The following EPB41L2 variants were observed in gnomAD, a reference collection of about 807,000 sequenced individuals.
The protein encoded by EPB41L2 is band 4.1-like protein 2.
Under a neutral mutation model 113.0 loss-of-function variants are expected in EPB41L2, and 43 were observed. The observed-to-expected ratio is 0.38, with a 90% CI of 0.30 to 0.49. EPB41L2 has a LOEUF of 0.49. EPB41L2 is among the 20% of genes least tolerant of loss of function. The probability of loss-of-function intolerance (pLI) is 0.95; values close to 1 mark genes in which losing one functional copy is unlikely to be tolerated. For missense variants in EPB41L2, 1,147 were observed against 1,223.4 expected, an observed-to-expected ratio of 0.94 and a Z score of 0.93; for synonymous variants, 442 against 436.7, an observed-to-expected ratio of 1.01 and a Z score of -0.15.
chr6:131,033,921 T>C (rs1326497132), intron 1 of EPB41L2, among the ~76,000 whole-genome samples: 1 of 152,262 alleles, frequency 6.6e-6, no homozygotes, highest in Non-Finnish European at 1.5e-5. Context: ...CATTTACAAA[T>C]GGTTAAAATG....
At chr6:131,027,716 T>C (rs1044761934) in intron 1 of EPB41L2, among the ~76,000 whole-genome samples, 3 of 152,224 alleles carry the variant, frequency 2.0e-5, no homozygotes, top group Non-Finnish European at 4.4e-5. Context: ...TTCTCCATGA[T>C]GTGATTATTT....
At chr6:130,965,954 T>G (rs1775034358) in intron 1 of EPB41L2, among the ~76,000 whole-genome samples, 1 of 151,994 alleles carries the variant, frequency 6.6e-6, no homozygotes, top group Non-Finnish European at 1.5e-5. Context: ...TCTTGTGGCT[T>G]CCCTGGGCCA....
At position 130,870,280 on chromosome 6, in the gene EPB41L2, C is replaced by A. The variant is rs530697949; in HGVS notation, c.2044-154G>T. 1.9e-5 allele frequency: 30 copies of A among 1,547,086 alleles called. No individual in the cohort carries two copies. In the South Asian group the frequency reaches 3.2e-4, roughly 17 times the overall value. On this transcript the variant is annotated intron_variant, in intron 14 of 19. Coordinates refer to ENST00000337057, the MANE Select transcript of EPB41L2 (RefSeq NM_001431.4). ...AAGGGAAGCGGGGCAAACGTGAGGG[C>A]AATGAGAAACGTGAGGCAATGGTGT...
rs375976370 is a variant in EPB41L2 at position 130,966,629 on chromosome 6, G to A, written c.-14-10130C>T. On this transcript the variant is annotated intron_variant, in intron 1 of 19. Coordinates refer to ENST00000337057, the MANE Select transcript of EPB41L2 (RefSeq NM_001431.4). ...GGAGGGTGGTGCTGGGTAGATGACT[G>A]CCGAGGTACAGATATGGGAGACAAT... Among the ~76,000 whole-genome samples the A allele has an allele frequency of 3.9e-5, 6 of 152,304 alleles. No individual in the cohort carries two copies. The East Asian group carries it at 1.2e-3, about 29-fold the overall frequency.
At chr6:130,872,798 G>A (rs746340667) in intron 14 of EPB41L2, among the ~76,000 whole-genome samples, 1 of 152,146 alleles carries the variant, frequency 6.6e-6, no homozygotes, top group Non-Finnish European at 1.5e-5. Flanking sequence ...ATCACCAACT[G>A]AGCACAACCG....
chr6:130,870,033 C>T lies in EPB41L2; in HGVS notation c.2137G>A (p.Glu713Lys), dbSNP rs1785147999. The change falls in exon 15 of 20, where the codon GAG (glutamate) becomes AAG (lysine). Residue 713 changes from glutamate to lysine, a missense_variant. Physicochemically the swap from Glu to Lys is moderately conservative, Grantham distance 56 (BLOSUM62 1). Transcript: ENST00000337057. ...RVITEEMNGK[E>K]ISPGSGPGEI... Reference sequence around the variant, plus strand: ...CCAGGACCACTCCCAGGTGATATCTCTTTACCATTCATTTCTTCTGTGATT... The same window carrying T: ...CCAGGACCACTCCCAGGTGATATCTTTTTACCATTCATTTCTTCTGTGATT... 1 of 1,613,928 alleles carries T rather than the reference C, an allele frequency of 6.2e-7. No individual in the cohort carries two copies. The highest frequency in any genetic ancestry group is 1.3e-5 in the African/African-American group (1 of 74,914).
At chr6:130,997,323 G>A (rs79452953) in intron 1 of EPB41L2, among the ~76,000 whole-genome samples, 7,820 of 152,176 alleles carry the variant, frequency 0.051, 319 homozygotes, top group East Asian at 0.12. Context: ...TAAATTAAGA[G>A]GTCTTTAAAA....
At chr6:130,926,507 TAA>T (rs1804791006) in intron 4 of EPB41L2, 96 bp downstream of exon 4, 1 of 874,762 alleles carries the variant, frequency 1.1e-6, no homozygotes, top group African/African-American at 1.7e-5. Context: ...AATAAACACC[TAA>T]GTTATTTTAA....
chr6:130,956,014 C>A lies in EPB41L2; in HGVS notation c.472G>T (p.Val158Leu). 1 of 1,612,406 alleles carries A rather than the reference C, an allele frequency of 6.2e-7. No homozygotes were observed. Among genetic ancestry groups the A allele is most frequent in the Non-Finnish European group, 8.5e-7 (1 of 1,179,516 alleles). The change falls in exon 2 of 20, where the codon GTG becomes TTG. Residue 158 changes from valine to leucine, a missense_variant. By Grantham distance (32) the Val-to-Leu change is conservative (BLOSUM62 1). Coordinates refer to ENST00000337057, the MANE Select transcript of EPB41L2 (RefSeq NM_001431.4). ...CATACCTGCATCTCCACTTTGCTCA[C>A]TGAGGGTTTTTCTTCCTTGCTCACT... ...PSVSKEEKPSVSKVEMQPTEL... is the reference protein window; with the variant it reads ...PSVSKEEKPSLSKVEMQPTEL...
intron 19 of EPB41L2, among the ~76,000 whole-genome samples, chr6:130,841,630 A>C (rs900445806): frequency 2.6e-5 from 4 of 152,300 alleles, no homozygotes; most frequent in Admixed American, 1.3e-4. Flanking sequence ...ATCAGGTGGG[A>C]GAGAAATTTG....
intron 1 of EPB41L2, among the ~76,000 whole-genome samples, chr6:131,002,873 C>T (rs1784654726): frequency 6.6e-6 from 1 of 152,120 alleles, no homozygotes; most frequent in South Asian, 2.1e-4. Flanking sequence ...ATTTAACCCT[C>T]GGGGTCAATG....
At chr6:131,037,205 G>A (rs1045991387) in intron 1 of EPB41L2, among the ~76,000 whole-genome samples, 2 of 152,136 alleles carry the variant, frequency 1.3e-5, no homozygotes, top group East Asian at 3.8e-4. Flanking sequence ...AGCATCTACA[G>A]AACGCTAAGC....
rs574898873 is a variant in EPB41L2, at chr6:130,978,965, T to G, written c.-14-22466A>C. On this transcript the variant is annotated intron_variant, in intron 1 of 19. Coordinates refer to ENST00000337057, the MANE Select transcript of EPB41L2 (RefSeq NM_001431.4). ...ACAGTAAGTGAAGGACACAGAATCATGAAAGATAAATGCATTGTAGAGAAC... is the reference window on the plus strand; with the variant it reads ...ACAGTAAGTGAAGGACACAGAATCAGGAAAGATAAATGCATTGTAGAGAAC... 1.4e-4 allele frequency among the ~76,000 whole-genome samples: 21 copies of G among 152,210 alleles called. 1 individual carries two copies. Among genetic ancestry groups the G allele is most frequent in the Middle Eastern group, 3.4e-3 (1 of 294 alleles).
rs1183796619 is a variant in EPB41L2 at position 130,869,720 on chromosome 6, T to C, written c.2450A>G (p.Asn817Ser). Reference sequence around the variant, plus strand: ...TCCGGGTATCTTTTGGGCACCTACATTTTCCTGGATCACTGTTTCTACTGT... The same window carrying C: ...TCCGGGTATCTTTTGGGCACCTACACTTTCCTGGATCACTGTTTCTACTGT... ...VITVETVIQE[N>S]VGAQKIPGEK... The change falls in exon 15 of 20, where the codon AAT (asparagine) becomes AGT (serine). Residue 817 changes from asparagine (N) to serine (S), a missense_variant. By Grantham distance (46) the Asn-to-Ser change is conservative (BLOSUM62 1). Coordinates refer to ENST00000337057, the MANE Select transcript of EPB41L2 (RefSeq NM_001431.4). 1.2e-6 allele frequency: 2 copies of C among 1,614,152 alleles called. No homozygotes were observed. Among genetic ancestry groups the C allele is most frequent in the Admixed American group, 1.7e-5 (1 of 60,032 alleles).
At chr6:130,955,746 G>C (rs1181430775) in intron 2 of EPB41L2, among the ~76,000 whole-genome samples, 2 of 152,048 alleles carry the variant, frequency 1.3e-5, no homozygotes, top group South Asian at 2.1e-4. Context: ...AGGGCTCGGA[G>C]TATCTACCTC....
chr6:130,970,975 CTCCTGGGCTCAAACAA>C (rs1056963452), intron 1 of EPB41L2, among the ~76,000 whole-genome samples: 1 of 152,194 alleles, frequency 6.6e-6, no homozygotes, highest in Non-Finnish European at 1.5e-5. Flanking sequence ...CAGCCTCGAC[CTCCTGGGCTCAAACAA>C]TCCTCCCACT....
intron 4 of EPB41L2, among the ~76,000 whole-genome samples, chr6:130,925,203 T>C (rs1357475479): frequency 1.3e-5 from 2 of 150,314 alleles, no homozygotes; most frequent in African/African-American, 4.9e-5. Context: ...TTTTTTTTTT[T>C]TTTGAGACAG....
At chr6:131,033,430 C>T (rs1299850590) in intron 1 of EPB41L2, among the ~76,000 whole-genome samples, 1 of 152,142 alleles carries the variant, frequency 6.6e-6, no homozygotes, top group African/African-American at 2.4e-5. Flanking sequence ...CCTAGCAATT[C>T]CACACATAGG....
At chr6:130,959,187 C>T (rs971195829) in intron 1 of EPB41L2, among the ~76,000 whole-genome samples, 2 of 152,112 alleles carry the variant, frequency 1.3e-5, no homozygotes, top group African/African-American at 4.8e-5. Context: ...ATGGTAGAAC[C>T]ATTCATGGAA....
Sources: gnomAD v4.1 joint callset for allele counts (sites outside exome capture counted in the v4.1 genomes callset) on GRCh38, gnomAD v4.1.1 for gene constraint, MANE v1.5 for transcripts, NCBI Gene and HGNC (gene_info 2026-07-23, HGNC 2026-07-21) for gene names.